ARHGAP28: variants seen among roughly 807,000 people sequenced by gnomAD.
ARHGAP28 encodes the protein rho GTPase-activating protein 28.
A neutral mutation model predicts 90.7 loss-of-function variants in ARHGAP28; 56 were observed. That is an observed-to-expected ratio of 0.62 (90% CI 0.50 to 0.77). The LOEUF is 0.77. ARHGAP28 is among the 30% of genes least tolerant of loss of function. The pLI, the probability that ARHGAP28 is intolerant of heterozygous loss-of-function variation, is 0.00. For synonymous variants in ARHGAP28, 308 were observed against 323.3 expected, an observed-to-expected ratio of 0.95 and a Z score of 0.51; for missense variants, 869 against 900.9, an observed-to-expected ratio of 0.96 and a Z score of 0.45.
At chr18:6,876,004 G>A in intron 9 of ARHGAP28, 127 bp from the exon 10 acceptor site, 2 of 728,214 alleles carry the variant, frequency 2.7e-6, no homozygotes, top group South Asian at 1.7e-5. Flanking sequence ...ATTTAACACA[G>A]CATTCAAGTG....
chr18:6,772,351 C>T (rs556677654), intron 1 of ARHGAP28, among the ~76,000 whole-genome samples: 1 of 152,296 alleles, frequency 6.6e-6, no homozygotes, highest in South Asian at 2.1e-4. Context: ...AAGTTTACTA[C>T]ATTGCATTTT....
chr18:6,749,033 G>A (rs4605246), intron 1 of ARHGAP28, among the ~76,000 whole-genome samples: 73,657 of 152,004 alleles, frequency 0.48, 18,392 homozygotes, highest in South Asian at 0.7. Flanking sequence ...TTCTAAGGTT[G>A]GAGATAAAGC....
At chr18:6,841,438 T>C (rs2056826792) in intron 3 of ARHGAP28, among the ~76,000 whole-genome samples, 1 of 151,752 alleles carries the variant, frequency 6.6e-6, no homozygotes, top group African/African-American at 2.4e-5. Flanking sequence ...AATATACTTA[T>C]CTAGTAAGGA....
At chr18:6,859,600 G>A (rs1455833451) in intron 4 of ARHGAP28, among the ~76,000 whole-genome samples, 1 of 152,168 alleles carries the variant, frequency 6.6e-6, no homozygotes, top group Non-Finnish European at 1.5e-5. Flanking sequence ...ATCAGTGTCT[G>A]CCACAGAGGC....
chr18:6,817,444 G>A (rs1426912270), intron 1 of ARHGAP28, among the ~76,000 whole-genome samples: 1 of 152,168 alleles, frequency 6.6e-6, no homozygotes, highest in Non-Finnish European at 1.5e-5. Context: ...CCCTTAGTGG[G>A]ATACAGAGGG....
chr18:6,786,769 A>C (rs11875225), intron 1 of ARHGAP28, among the ~76,000 whole-genome samples: 20,629 of 151,902 alleles, frequency 0.14, 1,509 homozygotes, highest in Non-Finnish European at 0.16. Context: ...AAATATTAAT[A>C]ATTATAAAGC....
rs550780155 is a variant in ARHGAP28, at chr18:6,820,512, T to A, written c.123-4250T>A. Among the ~76,000 whole-genome samples the A allele has an allele frequency of 1.9e-3, 296 of 152,290 alleles. 6 individuals are homozygous for A. Among genetic ancestry groups the A allele is most frequent in the Middle Eastern group, 0.017 (5 of 294 alleles). On this transcript the variant is annotated intron_variant, in intron 1 of 17. Transcript: ENST00000383472. ...AAGAAATATTGGAAGAGAAAATGGATGTGGATATATTCCAAAATTGATGAA... is the reference window on the plus strand; with the variant it reads ...AAGAAATATTGGAAGAGAAAATGGAAGTGGATATATTCCAAAATTGATGAA...
In ARHGAP28 at chr18:6,889,937, G is replaced by A. The variant is rs778940127; in HGVS notation, c.1586G>A (p.Arg529Gln). Residue 529 changes from arginine to glutamine, a missense_variant, in exon 13 of 18, where the codon CGA (arginine) becomes CAA (glutamine). By Grantham distance (43) the Arg-to-Gln change is conservative. Transcript: ENST00000383472. ...NKVIANESKNRMSLWNISTVM... is the reference protein window; with the variant it reads ...NKVIANESKNQMSLWNISTVM... ...GTGATTGCCAATGAATCAAAAAACC[G>A]AATGAGTCTGTGGAACATTTCTACA... 27 of 1,613,998 alleles carry A rather than the reference G, an allele frequency of 1.7e-5. No homozygotes were observed. The highest frequency in any genetic ancestry group is 7.7e-5 in the South Asian group (7 of 91,064).
chr18:6,762,486 T>G (rs2056169474), intron 1 of ARHGAP28, among the ~76,000 whole-genome samples: 1 of 152,212 alleles, frequency 6.6e-6, no homozygotes, highest in African/African-American at 2.4e-5. Context: ...GCATCCTCTT[T>G]CAATTCACGC....
intron 1 of ARHGAP28, among the ~76,000 whole-genome samples, chr18:6,776,657 G>T (rs956795394): frequency 4.6e-5 from 7 of 152,084 alleles, no homozygotes; most frequent in African/African-American, 1.7e-4. Flanking sequence ...CACCTGATGA[G>T]GAGGAGGATT....
Position 6,882,212 on chromosome 18 carries a change from G to A in ARHGAP28, c.1366G>A (p.Ala456Thr). 6.2e-7 allele frequency: 1 copy of A among 1,614,044 alleles called. No homozygotes were observed. The highest frequency in any genetic ancestry group is 8.5e-7 in the Non-Finnish European group (1 of 1,179,984). ...KWDKMCHREA[A>T]VMLKAFFREL... ...GGACAAAATGTGCCATAGAGAAGCT[G>A]CAGTAATGTTGAAAGCGTTTTTCAG... The change falls in exon 11 of 18, where the codon GCA becomes ACA. Residue 456 changes from alanine (A) to threonine (T), a missense_variant. Coordinates refer to ENST00000383472, the MANE Select transcript of ARHGAP28 (RefSeq NM_001366230.1).
chr18:6,870,857 G>T, intron 7 of ARHGAP28, 125 bp downstream of exon 7: 1 of 1,030,202 alleles, frequency 9.7e-7, no homozygotes, highest in Non-Finnish European at 1.4e-6. Flanking sequence ...CTGGAGTGCA[G>T]TGGCGCGATC....
chr18:6,733,409 AC>A (rs1172980761), intron 1 of ARHGAP28, among the ~76,000 whole-genome samples: 1 of 151,652 alleles, frequency 6.6e-6, no homozygotes, highest in Non-Finnish European at 1.5e-5. Context: ...TCCTTCCCAC[AC>A]CCCCCGTTTC....
intron 4 of ARHGAP28, among the ~76,000 whole-genome samples, chr18:6,851,887 G>A (rs2056913420): frequency 6.6e-6 from 1 of 152,140 alleles, no homozygotes; most frequent in African/African-American, 2.4e-5. Flanking sequence ...GGGGACAGGA[G>A]GGAGGGTGAG....
chr18:6,853,545 T>A (rs534291490), intron 4 of ARHGAP28, among the ~76,000 whole-genome samples: 1 of 151,966 alleles, frequency 6.6e-6, no homozygotes, highest in South Asian at 2.1e-4. Flanking sequence ...TGATCTCGGC[T>A]AACTGCAACC....
At chr18:6,760,536 T>A (rs1454277759) in intron 1 of ARHGAP28, among the ~76,000 whole-genome samples, 1 of 152,258 alleles carries the variant, frequency 6.6e-6, no homozygotes, top group African/African-American at 2.4e-5. Context: ...AGTTTATTTT[T>A]ACTGATGGTT....
intron 16 of ARHGAP28, among the ~76,000 whole-genome samples, chr18:6,899,058 T>C (rs1444089558): frequency 6.6e-6 from 1 of 152,086 alleles, no homozygotes; most frequent in Admixed American, 6.5e-5. Context: ...ATAATAATAA[T>C]TACAAAAAAA....
chr18:6,868,107 T>A (rs2057052033), intron 5 of ARHGAP28, 43 bp from the exon 6 acceptor site: 2 of 1,514,168 alleles, frequency 1.3e-6, no homozygotes, highest in African/African-American at 1.4e-5. Context: ...GTGGACTGTA[T>A]TTATGGTAAA....
At chr18:6,837,171 C>T (rs550075673) in intron 2 of ARHGAP28, 26 bp from the exon 3 acceptor site, 31 of 1,505,790 alleles carry the variant, frequency 2.1e-5, no homozygotes, top group Non-Finnish European at 2.7e-5. Context: ...ATATTCTAAC[C>T]CTCTCTTGGT....
Sources: allele counts gnomAD v4.1 joint callset (sites outside exome capture counted in the v4.1 genomes callset), GRCh38; gene constraint gnomAD v4.1.1; transcripts MANE v1.5; gene names NCBI Gene and HGNC (gene_info 2026-07-23, HGNC 2026-07-21).